EIPR1: variants seen among roughly 807,000 people sequenced by gnomAD.
EIPR1 encodes EARP complex and GARP complex interacting protein 1.
A neutral mutation model predicts 48.1 loss-of-function variants in EIPR1; 25 were observed. The ratio of observed to expected loss-of-function variants is 0.52; its 90% confidence interval spans 0.38 to 0.73. EIPR1 has a LOEUF of 0.73. Among genes scored for constraint, EIPR1 ranks in the 30% least tolerant of loss-of-function variants. The pLI, the probability that EIPR1 is intolerant of heterozygous loss-of-function variation, is 0.00. For missense variants in EIPR1, 415 were observed against 506.2 expected (o/e 0.82, Z 1.73); for synonymous variants, 204 against 201.9 (o/e 1.01, Z -0.09).
At chr2:3,287,207 ACGCTCCAGAAAGCTCGTT>A (rs1668213748) in intron 3 of EIPR1, among the ~76,000 whole-genome samples, 1 of 152,016 alleles carries the variant, frequency 6.6e-6, no homozygotes, top group Non-Finnish European at 1.5e-5. Flanking sequence ...TTCGTTCACC[ACGCTCCAGAAAGCTCGTT>A]CACCACAATC....
chr2:3,346,519 C>T (rs779103582), intron 2 of EIPR1, among the ~76,000 whole-genome samples: 6 of 152,188 alleles, frequency 3.9e-5, no homozygotes, highest in Admixed American at 6.5e-5. Flanking sequence ...CACCAGGCAT[C>T]GAAAGGACAC....
chr2:3,269,177 C>T (rs1459403589), intron 3 of EIPR1, among the ~76,000 whole-genome samples: 1 of 152,270 alleles, frequency 6.6e-6, no homozygotes, highest in Non-Finnish European at 1.5e-5. Flanking sequence ...TAAGCACAGA[C>T]AGAAGCAGCA....
At chr2:3,344,441 T>A (rs935341933) in intron 2 of EIPR1, among the ~76,000 whole-genome samples, 1 of 152,170 alleles carries the variant, frequency 6.6e-6, no homozygotes, top group Non-Finnish European at 1.5e-5. Flanking sequence ...AGTGCTGACA[T>A]GAACGTGACC....
intron 2 of EIPR1, chr2:3,353,246 C>G (rs763854764): frequency 2.1e-6 from 1 of 471,152 alleles, no homozygotes; most frequent in Non-Finnish European, 4.4e-6. Context: ...TGGAACACAT[C>G]CCCTGTGAAA....
At chr2:3,258,613 T>C (rs1667235880) in intron 3 of EIPR1, among the ~76,000 whole-genome samples, 1 of 152,218 alleles carries the variant, frequency 6.6e-6, no homozygotes, top group Non-Finnish European at 1.5e-5. Flanking sequence ...ATGATGCTCT[T>C]GCGATCTCAA....
intron 3 of EIPR1, among the ~76,000 whole-genome samples, chr2:3,296,171 TCC>T (rs1369222214): frequency 3.2e-5 from 4 of 124,980 alleles, no homozygotes; most frequent in African/African-American, 3.1e-5. Context: ...GCCCCTCCTC[TCC>T]CTGCACACAT....
chr2:3,275,615 C>G (rs181408359), intron 3 of EIPR1, among the ~76,000 whole-genome samples: 4 of 152,150 alleles, frequency 2.6e-5, no homozygotes, highest in African/African-American at 7.2e-5. Flanking sequence ...CAATCATATT[C>G]CTTTTTTAAC....
At chr2:3,244,062 G>A (rs1453033096) in intron 4 of EIPR1, among the ~76,000 whole-genome samples, 1 of 152,244 alleles carries the variant, frequency 6.6e-6, no homozygotes, top group East Asian at 1.9e-4. Flanking sequence ...GCCCACAGGG[G>A]CTCCCTCACT....
intron 3 of EIPR1, among the ~76,000 whole-genome samples, chr2:3,314,980 C>T (rs1459331367): frequency 6.6e-6 from 1 of 151,752 alleles, no homozygotes; most frequent in Non-Finnish European, 1.5e-5. Context: ...TCTTCTGCTG[C>T]TGCTCTCCGG....
chr2:3,200,045 G>A (rs1490578106), intron 5 of EIPR1, among the ~76,000 whole-genome samples: 3 of 152,092 alleles, frequency 2.0e-5, no homozygotes, highest in Non-Finnish European at 4.4e-5. Context: ...GTACAGACAA[G>A]GGGGTTAGGG....
intron 3 of EIPR1, among the ~76,000 whole-genome samples, chr2:3,269,460 A>ACACTCAGTCATTG (rs1667617096): frequency 1.8e-4 from 2 of 11,072 alleles, no homozygotes; most frequent in Non-Finnish European, 4.6e-4. Context: ...AATCATCACC[A>ACACTCAGTCATTG]CACTCAGTCA....
chr2:3,354,499 C>T, intron 2 of EIPR1, 51 bp downstream of exon 2: 1 of 1,536,034 alleles, frequency 6.5e-7, no homozygotes, highest in Non-Finnish European at 9.0e-7. Context: ...GGTTATAAAA[C>T]TAAGAATAGG....
chr2:3,223,218 C>T (rs1403821318), intron 4 of EIPR1, among the ~76,000 whole-genome samples: 2 of 152,168 alleles, frequency 1.3e-5, no homozygotes, highest in Non-Finnish European at 1.5e-5. Flanking sequence ...GTCGAAACAC[C>T]ACTTCCTCCC....
chr2:3,333,867 T>C (rs181130340), intron 3 of EIPR1, among the ~76,000 whole-genome samples: 2 of 151,908 alleles, frequency 1.3e-5, no homozygotes, highest in Admixed American at 1.3e-4. Context: ...TCCTAACAAC[T>C]CACGCCAGCT....
chr2:3,257,646 T>C (rs1667203398), intron 3 of EIPR1, 191 bp from the exon 4 acceptor site: 2 of 508,066 alleles, frequency 3.9e-6, no homozygotes, highest in African/African-American at 3.9e-5. Flanking sequence ...CCGGCACGGT[T>C]CGTAATCAGC....
At chr2:3,309,103 G>A (rs1669043174) in intron 3 of EIPR1, among the ~76,000 whole-genome samples, 1 of 152,186 alleles carries the variant, frequency 6.6e-6, no homozygotes, top group Non-Finnish European at 1.5e-5. Flanking sequence ...TTCTCCTCGT[G>A]AGCTTCTTAA....
rs114962699 is a variant in EIPR1 at position 3,359,007 on chromosome 2, G to A, written c.43-4374C>T. On this transcript the variant is annotated intron_variant, in intron 1 of 8. Coordinates refer to ENST00000382125, the MANE Select transcript of EIPR1 (RefSeq NM_003310.5). Reference sequence around the variant, plus strand: ...GAAGGGTTGCCTAGTGGCAGGTGCTGTGGAGGCATCAAAGAGGTATGAGGT... The same window carrying A: ...GAAGGGTTGCCTAGTGGCAGGTGCTATGGAGGCATCAAAGAGGTATGAGGT... Among the ~76,000 whole-genome samples, 937 of 152,366 alleles carry A rather than the reference G, an allele frequency of 6.1e-3. 8 individuals are homozygous for A. Among genetic ancestry groups the A allele is most frequent in the African/African-American group, 0.021 (880 of 41,586 alleles).
At chr2:3,211,691 T>A (rs925876090) in intron 5 of EIPR1, among the ~76,000 whole-genome samples, 1 of 152,206 alleles carries the variant, frequency 6.6e-6, no homozygotes, top group Non-Finnish European at 1.5e-5. Flanking sequence ...AGCAGATGGC[T>A]CTCTCTAGAT....
intron 1 of EIPR1, among the ~76,000 whole-genome samples, chr2:3,368,635 A>G (rs188767019): frequency 1.3e-5 from 2 of 152,378 alleles, no homozygotes; most frequent in Admixed American, 1.3e-4. Context: ...AAAAGTTCAA[A>G]GAAACATGAT....
Sources: allele counts gnomAD v4.1 joint callset (sites outside exome capture counted in the v4.1 genomes callset), GRCh38; gene constraint gnomAD v4.1.1; transcripts MANE v1.5; gene names NCBI Gene and HGNC (gene_info 2026-07-23, HGNC 2026-07-21).